Variants in SLC25A48 observed in about 807,000 individuals in gnomAD.
SLC25A48 encodes solute carrier family 25 member 48, also known as CTC-321K16.1.
SLC25A48 carries 29 observed loss-of-function variants against 32.2 expected under a neutral mutation model. The ratio of observed to expected loss-of-function variants is 0.90; its 90% CI spans 0.67 to 1.23. The LOEUF (loss-of-function observed/expected upper bound fraction) is 1.23, where lower values mean the gene tolerates loss of function less well. SLC25A48 is among the 50% of genes most tolerant of loss of function. The probability of loss-of-function intolerance (pLI) is 0.00; values close to 1 mark genes in which losing one functional copy is unlikely to be tolerated. For synonymous variants in SLC25A48, 164 were observed against 172.3 expected (o/e 0.95, Z 0.38); for missense variants, 399 against 422.7 (o/e 0.94, Z 0.49).
intron 3 of SLC25A48, among the ~76,000 whole-genome samples, chr5:135,636,222 A>C (rs1416602138): frequency 1.3e-5 from 2 of 152,102 alleles, no homozygotes; most frequent in African/African-American, 4.8e-5. Flanking sequence ...TAAAGCATCT[A>C]CTTTGTGCAG....
chr5:135,723,862 C>G (rs1755028261), intron 3 of SLC25A48, among the ~76,000 whole-genome samples: 1 of 152,192 alleles, frequency 6.6e-6, no homozygotes, highest in South Asian at 2.1e-4. Context: ...GAAGAGCCCA[C>G]ATTAGCTGAG....
At chr5:135,727,105 G>A (rs1755107652) in intron 3 of SLC25A48, among the ~76,000 whole-genome samples, 1 of 151,534 alleles carries the variant, frequency 6.6e-6, no homozygotes, top group African/African-American at 2.4e-5. Context: ...TATCCTCTTT[G>A]GAGAAATGGG....
In SLC25A48 at chr5:135,625,975, C is replaced by A. The variant is rs865966641; in HGVS notation, c.-848-3262C>A. On this transcript the variant is annotated intron_variant, in intron 1 of 10. Transcript: ENST00000646290. ...TTCCTCTAGATGAGCTAAGTGGCCA[C>A]CACTGCCCCATCTCCTGTGTTTGGG... is the stretch of plus-strand genomic sequence containing the variant. 3.3e-5 allele frequency among the ~76,000 whole-genome samples: 5 copies of A among 152,212 alleles called. No individual in the cohort carries two copies. In the South Asian group the frequency reaches 6.2e-4, roughly 19 times the overall value.
chr5:135,763,823 T>G (rs1247369469), intron 3 of SLC25A48, among the ~76,000 whole-genome samples: 2 of 150,542 alleles, frequency 1.3e-5, no homozygotes, highest in Non-Finnish European at 3.0e-5. Context: ...AGAAAGAACC[T>G]GCTCTGCTTA....
At chr5:135,870,067 G>A (rs564525730) in intron 4 of SLC25A48, among the ~76,000 whole-genome samples, 27 of 152,300 alleles carry the variant, frequency 1.8e-4, no homozygotes, top group South Asian at 1.5e-3. Flanking sequence ...TCATGAAGCC[G>A]AATGCTTCTA....
chr5:135,883,368 C>G (rs570694894), intron 7 of SLC25A48: 3 of 985,494 alleles, frequency 3.0e-6, no homozygotes, highest in Admixed American at 1.2e-4. Flanking sequence ...GACCCTCCCC[C>G]CATGGCCATT....
Position 135,690,234 on chromosome 5 carries a change from G to T in SLC25A48, c.-521+55278G>T, listed in dbSNP as rs113677389. Among the ~76,000 whole-genome samples the T allele has an allele frequency of 8.2e-3, 1,246 of 152,294 alleles. 19 individuals carry two copies. Among genetic ancestry groups the T allele is most frequent in the African/African-American group, 0.029 (1,209 of 41,554 alleles). ...AAATTCTTCAAGTTCATGTATGGGA[G>T]AAGTGAATGTGGGAAGACTCATAAT... On this transcript the variant is annotated intron_variant, in intron 3 of 10. Transcript: ENST00000646290.
chr5:135,694,185 C>A (rs1754214031), intron 3 of SLC25A48, among the ~76,000 whole-genome samples: 1 of 152,198 alleles, frequency 6.6e-6, no homozygotes, highest in Non-Finnish European at 1.5e-5. Flanking sequence ...AGACTCTTGG[C>A]TTCTGGATGA....
Position 135,871,639 on chromosome 5 carries a change from G to A in SLC25A48, c.600G>A (p.Val200=). ...PGYCLYFIPY[V]FLSEWITPEA... is the part of the protein sequence containing the mutation. Reference sequence around the variant, plus strand: ...ATTGCCTCTACTTCATCCCCTACGTGTTCCTGAGTGAGTGGATCACACCTG... The same window carrying A: ...ATTGCCTCTACTTCATCCCCTACGTATTCCTGAGTGAGTGGATCACACCTG... Residue 200 remains valine (V), a synonymous_variant, in exon 5 of 8, where the codon GTG becomes GTA. Coordinates refer to ENST00000681962, the MANE Select transcript of SLC25A48 (RefSeq NM_001349336.2). 3 of 1,614,188 alleles carry A rather than the reference G, an allele frequency of 1.9e-6. No individual in the cohort carries two copies. Among genetic ancestry groups the A allele is most frequent in the Non-Finnish European group, 2.5e-6 (3 of 1,180,020 alleles).
chr5:135,674,339 A>G (rs985532091), intron 3 of SLC25A48, among the ~76,000 whole-genome samples: 1 of 151,968 alleles, frequency 6.6e-6, no homozygotes, highest in African/African-American at 2.4e-5. Flanking sequence ...AACTATAGTT[A>G]CCTTACTCTG....
chr5:135,722,062 G>A (rs186500247), intron 3 of SLC25A48, among the ~76,000 whole-genome samples: 182 of 152,348 alleles, frequency 1.2e-3, no homozygotes, highest in African/African-American at 4.1e-3. Context: ...ACTCCATGTT[G>A]TTGTGAAATT....
intron 3 of SLC25A48, among the ~76,000 whole-genome samples, chr5:135,658,974 G>C (rs1334581134): frequency 1.3e-5 from 2 of 152,200 alleles, no homozygotes; most frequent in Admixed American, 1.3e-4. Flanking sequence ...GACCCGTGAT[G>C]GGAGGGGCTG....
At chr5:135,735,072 C>T (rs1021348266) in intron 3 of SLC25A48, among the ~76,000 whole-genome samples, 23 of 152,276 alleles carry the variant, frequency 1.5e-4, no homozygotes, top group Non-Finnish European at 2.4e-4. Flanking sequence ...AGATGGGACA[C>T]GGCTTAGGAG....
intron 3 of SLC25A48, among the ~76,000 whole-genome samples, chr5:135,796,944 A>G (rs1757196406): frequency 6.6e-6 from 1 of 151,678 alleles, no homozygotes; most frequent in Non-Finnish European, 1.5e-5. Flanking sequence ...CCAGGGGAGG[A>G]AAAGAATGAT....
chr5:135,879,603 AGAGAGAGAGTGT>A (rs1404867237), intron 6 of SLC25A48, among the ~76,000 whole-genome samples: 1 of 130,130 alleles, frequency 7.7e-6, no homozygotes, highest in African/African-American at 3.7e-5. Context: ...AGAGAGAGAG[AGAGAGAGAGTGT>A]GTGTGTGTGT....
chr5:135,835,129 A>G, intron 1 of SLC25A48: 1 of 701,112 alleles, frequency 1.4e-6, no homozygotes, highest in South Asian at 1.5e-5. Context: ...TCATTAAGTT[A>G]GGATCCGTGG....
chr5:135,796,010 G>C (rs1757163759), intron 3 of SLC25A48, among the ~76,000 whole-genome samples: 1 of 22,972 alleles, frequency 4.4e-5, no homozygotes, highest in African/African-American at 6.8e-5. Flanking sequence ...AGTATCGCGA[G>C]GGGGGGGTGG....
chr5:135,661,800 C>T (rs1036241373), intron 3 of SLC25A48, among the ~76,000 whole-genome samples: 4 of 152,040 alleles, frequency 2.6e-5, no homozygotes, highest in Admixed American at 6.5e-5. Context: ...ATTTTTTGAC[C>T]GTATTAACCT....
chr5:135,780,502 C>T (rs1756695141), intron 3 of SLC25A48, among the ~76,000 whole-genome samples: 1 of 116,846 alleles, frequency 8.6e-6, no homozygotes, highest in Non-Finnish European at 2.1e-5. Context: ...AGAAAGACGT[C>T]ACTCCCAATA....
Sources: allele counts gnomAD v4.1 joint callset (sites outside exome capture counted in the v4.1 genomes callset), GRCh38; gene constraint gnomAD v4.1.1; transcripts MANE v1.5; gene names NCBI Gene and HGNC (gene_info 2026-07-23, HGNC 2026-07-21).